Variants in SLC25A48 observed in about 807,000 individuals in gnomAD.
SLC25A48 encodes the protein solute carrier family 25 member 48.
A neutral mutation model predicts 32.2 loss-of-function variants in SLC25A48; 29 were observed. The observed-to-expected ratio is 0.90, with a 90% confidence interval of 0.67 to 1.23. The LOEUF is 1.23. SLC25A48 is among the 50% of genes most tolerant of loss of function. The pLI is 0.00. For missense variants in SLC25A48, 399 were observed against 422.7 expected (o/e 0.94, Z 0.49); for synonymous variants, 164 against 172.3 (o/e 0.95, Z 0.38).
intron 3 of SLC25A48, among the ~76,000 whole-genome samples, chr5:135,758,280 A>G (rs1294888185): frequency 2.0e-5 from 3 of 150,800 alleles, no homozygotes; most frequent in Non-Finnish European, 4.4e-5. Flanking sequence ...TATTAATAGG[A>G]TATCATCTCT....
At chr5:135,673,747 G>C (rs1753706632) in intron 3 of SLC25A48, among the ~76,000 whole-genome samples, 1 of 151,812 alleles carries the variant, frequency 6.6e-6, no homozygotes, top group South Asian at 2.1e-4. Context: ...TTTTGTTTGT[G>C]TTTTTGTATT....
intron 1 of SLC25A48, among the ~76,000 whole-genome samples, chr5:135,590,033 G>T (rs1227408041): frequency 1.3e-5 from 2 of 152,196 alleles, no homozygotes; most frequent in Non-Finnish European, 2.9e-5. Flanking sequence ...TTCATTATGA[G>T]GTAAATTCCC....
chr5:135,717,115 C>T lies in SLC25A48; in HGVS notation c.-521+82159C>T, dbSNP rs79185916. On this transcript the variant is annotated intron_variant, in intron 3 of 10. Coordinates refer to the SLC25A48 transcript ENST00000646290. ...AGCATATCCCTGATCAGTAGCTGTCCACCTTCGGGCAGATGTCGCTAGCAT... is the reference window on the plus strand; with the variant it reads ...AGCATATCCCTGATCAGTAGCTGTCTACCTTCGGGCAGATGTCGCTAGCAT... 4.5e-4 allele frequency among the ~76,000 whole-genome samples: 68 copies of T among 152,256 alleles called. 2 individuals carry two copies. In the East Asian group the frequency reaches 0.013, roughly 29 times the overall value.
chr5:135,852,501 C>T, intron 3 of SLC25A48, 62 bp from the exon 4 acceptor site: 1 of 1,543,498 alleles, frequency 6.5e-7, no homozygotes, highest in African/African-American at 1.4e-5. Context: ...CCCCGTCAGC[C>T]TGCAGGCTCT....
At chr5:135,726,086 A>T (rs1356904742) in intron 3 of SLC25A48, among the ~76,000 whole-genome samples, 1 of 152,172 alleles carries the variant, frequency 6.6e-6, no homozygotes, top group African/African-American at 2.4e-5. Context: ...CCAGGTGTGC[A>T]CCACACTTAC....
intron 1 of SLC25A48, chr5:135,609,202 C>T (rs1030986914): frequency 6.6e-6 from 1 of 152,168 alleles, no homozygotes. Flanking sequence ...GATCTCATAC[C>T]ACCTCATCTA....
chr5:135,688,573 C>T (rs541572366), intron 3 of SLC25A48, among the ~76,000 whole-genome samples: 1 of 152,294 alleles, frequency 6.6e-6, no homozygotes, highest in Admixed American at 6.5e-5. Context: ...ACATTGCTAT[C>T]CAGGGAATAT....
Position 135,791,202 on chromosome 5 carries a change from G to T in SLC25A48, c.-520-21321G>T, listed in dbSNP as rs142895570. Among the ~76,000 whole-genome samples, 73 of 151,832 alleles carry T rather than the reference G, an allele frequency of 4.8e-4. 1 individual carries two copies. In the South Asian group the frequency reaches 0.014, roughly 30 times the overall value. ...GGGTACACCCTGTATCACAGTGGGT[G>T]TACAACCTGTGATATTAGCAATAAT... On this transcript the variant is annotated intron_variant, in intron 3 of 10. Transcript: ENST00000646290.
intron 1 of SLC25A48, among the ~76,000 whole-genome samples, chr5:135,617,271 A>G (rs1356349768): frequency 2.2e-4 from 33 of 151,836 alleles, no homozygotes; most frequent in South Asian, 2.1e-4. Flanking sequence ...TTCTCTGATG[A>G]TCTTTTGTAT....
At chr5:135,641,605 CTT>C (rs1373137419) in intron 3 of SLC25A48, among the ~76,000 whole-genome samples, 1 of 152,190 alleles carries the variant, frequency 6.6e-6, no homozygotes, top group Non-Finnish European at 1.5e-5. Flanking sequence ...GTGATGACCT[CTT>C]TGGGTAGCTG....
At chr5:135,627,606 C>T (rs1026730878) in intron 1 of SLC25A48, among the ~76,000 whole-genome samples, 3 of 152,126 alleles carry the variant, frequency 2.0e-5, no homozygotes, top group African/African-American at 7.2e-5. Flanking sequence ...TGACTGGACC[C>T]TGACTGGTAC....
In SLC25A48 at chr5:135,842,425, G is replaced by A. The variant is rs200057467; in HGVS notation, c.56G>A (p.Ser19Asn). 4.0e-5 allele frequency: 64 copies of A among 1,613,800 alleles called. No homozygotes were observed. The highest frequency in any genetic ancestry group is 5.3e-5 in the Non-Finnish European group (63 of 1,179,820). ...CTTTTTTGATCCACAGGTGCAGCCA[G>A]TGTCATCGTTGGCCACCCTCTGGAC... ...FAAGWIGGAA[S>N]VIVGHPLDTV... Residue 19 changes from serine to asparagine, a missense_variant, in exon 2 of 8, where the codon AGT (serine) becomes AAT (asparagine). Transcript: ENST00000681962.
At chr5:135,582,142 A>G (rs1751248805) in intron 1 of SLC25A48, among the ~76,000 whole-genome samples, 1 of 152,144 alleles carries the variant, frequency 6.6e-6, no homozygotes, top group African/African-American at 2.4e-5. Flanking sequence ...CAGAGGAGGG[A>G]GGAAGTGGAA....
chr5:135,829,733 A>G (rs192631218), upstream of SLC25A48, among the ~76,000 whole-genome samples: 284 of 152,006 alleles, frequency 1.9e-3, 1 homozygote, highest in African/African-American at 6.5e-3. Flanking sequence ...AGTCACTTCT[A>G]CTTCCCGAGT....
chr5:135,840,231 G>C (rs529151591), intron 1 of SLC25A48, among the ~76,000 whole-genome samples: 9 of 152,230 alleles, frequency 5.9e-5, no homozygotes, highest in African/African-American at 2.2e-4. Flanking sequence ...ATAGGTGTCA[G>C]GCTCTCTGCT....
intron 3 of SLC25A48, among the ~76,000 whole-genome samples, chr5:135,747,539 G>C (rs1755670256): frequency 6.6e-6 from 1 of 152,086 alleles, no homozygotes; most frequent in African/African-American, 2.4e-5. Flanking sequence ...CACTGCTGCA[G>C]TCATTTCTTC....
chr5:135,874,252 C>A, intron 6 of SLC25A48, 98 bp downstream of exon 6: 1 of 1,308,630 alleles, frequency 7.6e-7, no homozygotes, highest in Non-Finnish European at 9.8e-7. Flanking sequence ...AATCAGGAGA[C>A]CAGGGGGCTG....
chr5:135,736,799 G>A (rs1303193989), intron 3 of SLC25A48, among the ~76,000 whole-genome samples: 3 of 152,136 alleles, frequency 2.0e-5, no homozygotes, highest in Admixed American at 6.5e-5. Flanking sequence ...CAGATAAAAC[G>A]CATCTCCTGT....
chr5:135,713,125 A>G (rs1440707616), intron 3 of SLC25A48, among the ~76,000 whole-genome samples: 1 of 152,230 alleles, frequency 6.6e-6, no homozygotes, highest in Non-Finnish European at 1.5e-5. Context: ...TAGCAGTGCC[A>G]TCACCTGAGA....
Sources: gnomAD v4.1 joint callset for allele counts (sites outside exome capture counted in the v4.1 genomes callset) on GRCh38, gnomAD v4.1.1 for gene constraint, MANE v1.5 for transcripts, NCBI Gene and HGNC (gene_info 2026-07-23, HGNC 2026-07-21) for gene names.